CIB4: variants seen among roughly 807,000 people sequenced by gnomAD.
CIB4 encodes calcium and integrin binding family member 4.
A neutral mutation model predicts 25.8 loss-of-function variants in CIB4; 25 were observed. The ratio of observed to expected loss-of-function variants is 0.97; its 90% CI spans 0.71 to 1.35. CIB4 has a LOEUF of 1.35. CIB4 is among the 40% of genes most tolerant of loss of function. The pLI is 0.00. For synonymous variants in CIB4, 75 were observed against 81.4 expected (o/e 0.92, Z 0.42); for missense variants, 235 against 228.2 (o/e 1.03, Z -0.19).
intron 4 of CIB4, among the ~76,000 whole-genome samples, chr2:26,587,178 C>T (rs936169471): frequency 6.6e-6 from 1 of 151,636 alleles, no homozygotes; most frequent in African/African-American, 2.4e-5. Context: ...TAGTGGCTGG[C>T]GCCTGTAGTC....
intron 3 of CIB4, 51 bp downstream of exon 3, chr2:26,629,359 C>A: frequency 4.4e-5 from 43 of 977,338 alleles, no homozygotes; most frequent in Non-Finnish European, 5.2e-5. Context: ...ATCAGCCCAT[C>A]AGCAGGTCCC....
chr2:26,582,041 G>C (rs971711143), intron 6 of CIB4, among the ~76,000 whole-genome samples: 1 of 152,350 alleles, frequency 6.6e-6, no homozygotes, highest in East Asian at 1.9e-4. Flanking sequence ...GTGGAGGGGC[G>C]ATGGGAGGCA....
At chr2:26,595,101 G>T in intron 4 of CIB4, 75 bp downstream of exon 4, 1 of 1,401,624 alleles carries the variant, frequency 7.1e-7, no homozygotes, top group Non-Finnish European at 9.9e-7. Context: ...TCAATGAACT[G>T]ATGATGGAGT....
At chr2:26,625,066 T>C (rs1669274535) in intron 3 of CIB4, among the ~76,000 whole-genome samples, 1 of 152,126 alleles carries the variant, frequency 6.6e-6, no homozygotes, top group Non-Finnish European at 1.5e-5. Context: ...TTTGTAAGTC[T>C]GGGACATACT....
chr2:26,588,861 G>A (rs748827573), intron 4 of CIB4, among the ~76,000 whole-genome samples: 1 of 152,230 alleles, frequency 6.6e-6, no homozygotes, highest in Non-Finnish European at 1.5e-5. Context: ...TACAGAGAGA[G>A]GAGAGTGAGC....
At chr2:26,628,048 G>T (rs1312925580) in intron 3 of CIB4, among the ~76,000 whole-genome samples, 1 of 152,134 alleles carries the variant, frequency 6.6e-6, no homozygotes, top group African/African-American at 2.4e-5. Context: ...GGCTCTCATT[G>T]AACAATGACA....
intron 3 of CIB4, among the ~76,000 whole-genome samples, chr2:26,605,860 A>G (rs1668879318): frequency 6.6e-6 from 1 of 152,254 alleles, no homozygotes; most frequent in African/African-American, 2.4e-5. Flanking sequence ...CAAATTCTGA[A>G]TTCAAATGCC....
At chr2:26,595,768 C>T (rs1668670218) in intron 3 of CIB4, among the ~76,000 whole-genome samples, 1 of 152,246 alleles carries the variant, frequency 6.6e-6, no homozygotes, top group Admixed American at 6.5e-5. Context: ...CATAGCCAGC[C>T]AGGGAATGAG....
At chr2:26,588,506 A>C (rs1668497722) in intron 4 of CIB4, among the ~76,000 whole-genome samples, 1 of 152,198 alleles carries the variant, frequency 6.6e-6, no homozygotes, top group Non-Finnish European at 1.5e-5. Flanking sequence ...TGGTGGAGTC[A>C]GGGCTCAGCC....
chr2:26,632,167 G>A (rs1009385888), intron 2 of CIB4, among the ~76,000 whole-genome samples: 2 of 152,226 alleles, frequency 1.3e-5, no homozygotes, highest in Admixed American at 1.3e-4. Flanking sequence ...GTCTGATGGA[G>A]AGCCAGCCTC....
intron 4 of CIB4, among the ~76,000 whole-genome samples, chr2:26,586,117 T>G (rs1312159612): frequency 6.6e-6 from 1 of 152,076 alleles, no homozygotes; most frequent in African/African-American, 2.4e-5. Flanking sequence ...GCTTCCCTCC[T>G]CTCTCTCTGC....
intron 3 of CIB4, among the ~76,000 whole-genome samples, chr2:26,608,187 C>T (rs182266025): frequency 3.4e-5 from 5 of 148,378 alleles, no homozygotes; most frequent in African/African-American, 1.3e-4. Flanking sequence ...TTGCAGTGAG[C>T]TGAGATTGCA....
At chr2:26,597,787 C>A (rs1023277582) in intron 3 of CIB4, among the ~76,000 whole-genome samples, 1 of 151,828 alleles carries the variant, frequency 6.6e-6, no homozygotes, top group Non-Finnish European at 1.5e-5. Context: ...TCTAGGCTAA[C>A]CTGCTCATCT....
At position 26,619,089 on chromosome 2, in the gene CIB4, G is replaced by A. The variant is rs745348; in HGVS notation, c.186+10321C>T. ...GTGCACAACCCGCAGTAAAGGCATA[G>A]TCACTTCTTATGGGGTGATGGATGA... On this transcript the variant is annotated intron_variant, in intron 3 of 6. Transcript: ENST00000288861. Among the ~76,000 whole-genome samples, 1,238 of 152,376 alleles carry A rather than the reference G, an allele frequency of 8.1e-3. 18 individuals carry two copies. The highest frequency in any genetic ancestry group is 0.012 in the South Asian group (59 of 4,832).
chr2:26,609,745 A>C (rs1668961854), intron 3 of CIB4, among the ~76,000 whole-genome samples: 2 of 152,112 alleles, frequency 1.3e-5, no homozygotes, highest in South Asian at 2.1e-4. Context: ...TTATTTTCTC[A>C]ATTTTAATGC....
chr2:26,639,505 C>A (rs1669596557), intron 2 of CIB4, among the ~76,000 whole-genome samples: 1 of 151,774 alleles, frequency 6.6e-6, no homozygotes, highest in Non-Finnish European at 1.5e-5. Flanking sequence ...TATTTTTATT[C>A]ATGTGATACT....
chr2:26,633,882 TC>T (rs1193211658), intron 2 of CIB4, among the ~76,000 whole-genome samples: 2 of 152,090 alleles, frequency 1.3e-5, no homozygotes, highest in Non-Finnish European at 2.9e-5. Context: ...ACTCGCCAAG[TC>T]CCCTCTCGGG....
chr2:26,596,274 T>C (rs1034385973), intron 3 of CIB4, among the ~76,000 whole-genome samples: 1 of 151,492 alleles, frequency 6.6e-6, no homozygotes, highest in Admixed American at 6.6e-5. Context: ...TCGAGGGGGG[T>C]GGCTGCTCCA....
At chr2:26,625,546 T>C (rs974807059) in intron 3 of CIB4, among the ~76,000 whole-genome samples, 3 of 152,076 alleles carry the variant, frequency 2.0e-5, no homozygotes, top group Non-Finnish European at 4.4e-5. Context: ...GAGACGGGGT[T>C]TTTCCATGTT....
Sources: allele counts gnomAD v4.1 joint callset (sites outside exome capture counted in the v4.1 genomes callset), GRCh38; gene constraint gnomAD v4.1.1; transcripts MANE v1.5; gene names NCBI Gene and HGNC (gene_info 2026-07-23, HGNC 2026-07-21).